Variants in FOXN2 observed in about 807,000 individuals in gnomAD.
FOXN2 encodes the protein forkhead box N2, also known as forkhead box protein N2.
In FOXN2, 19 loss-of-function variants were observed where a neutral mutation model predicts 41.2. The ratio of observed to expected loss-of-function variants is 0.46; its 90% CI spans 0.32 to 0.68. The LOEUF is 0.68. FOXN2 is among the 30% of genes least tolerant of loss of function. The probability of loss-of-function intolerance (pLI) is 0.03; values close to 1 mark genes in which losing one functional copy is unlikely to be tolerated. For synonymous variants in FOXN2, 195 were observed against 176.8 expected (o/e 1.10, Z -0.82); for missense variants, 587 against 509.4 (o/e 1.15, Z -1.47).
intron 1 of FOXN2, among the ~76,000 whole-genome samples, chr2:48,320,293 A>ATT (rs140999009): frequency 1.3e-5 from 2 of 148,906 alleles, no homozygotes; most frequent in Non-Finnish European, 3.0e-5. Flanking sequence ...GTATAATTTA[A>ATT]TTTTTTTTTT....
intron 3 of FOXN2, among the ~76,000 whole-genome samples, chr2:48,349,951 T>C (rs1326743180): frequency 6.6e-6 from 1 of 152,228 alleles, no homozygotes; most frequent in Non-Finnish European, 1.5e-5. Context: ...ATCCCTGACA[T>C]TCCCAGAAGA....
chr2:48,344,223 A>T (rs968676164), intron 2 of FOXN2, among the ~76,000 whole-genome samples: 2 of 152,190 alleles, frequency 1.3e-5, no homozygotes, highest in African/African-American at 4.8e-5. Context: ...ATGTTTATTT[A>T]TGTGTGGTTT....
intron 2 of FOXN2, among the ~76,000 whole-genome samples, chr2:48,335,883 C>G (rs952009199): frequency 6.6e-5 from 10 of 151,746 alleles, no homozygotes; most frequent in African/African-American, 2.4e-4. Flanking sequence ...AAAAAGTTAG[C>G]CAGGCGTGGT....
rs370477099 is a variant in FOXN2, at chr2:48,326,140, G to A, written c.-156-2421G>A. On this transcript the variant is annotated intron_variant, in intron 1 of 6. Coordinates refer to ENST00000340553, the MANE Select transcript of FOXN2 (RefSeq NM_002158.4). ...GCTGGGATTACAGACATGAGCCACC[G>A]TGCCCGGCCTTCTTCTCCCAAGATC... is the stretch of plus-strand genomic sequence containing the variant. Among the ~76,000 whole-genome samples, 17 of 152,244 alleles carry A rather than the reference G, an allele frequency of 1.1e-4. No individual in the cohort carries two copies. In the East Asian group the frequency reaches 1.2e-3, roughly 10 times the overall value.
intron 2 of FOXN2, among the ~76,000 whole-genome samples, chr2:48,333,048 A>G (rs1670112533): frequency 6.6e-6 from 1 of 152,160 alleles, no homozygotes; most frequent in Non-Finnish European, 1.5e-5. Context: ...CTTCAAATAT[A>G]TTGCCTCCTC....
chr2:48,368,124 G>A (rs564187895), intron 5 of FOXN2, among the ~76,000 whole-genome samples: 5 of 152,284 alleles, frequency 3.3e-5, no homozygotes, highest in East Asian at 1.9e-4. Context: ...TTACAGGTGT[G>A]AGCCACCACG....
At chr2:48,316,773 G>C (rs1668946024) in intron 1 of FOXN2, among the ~76,000 whole-genome samples, 1 of 152,110 alleles carries the variant, frequency 6.6e-6, no homozygotes, top group African/African-American at 2.4e-5. Flanking sequence ...TGAATGCTTT[G>C]GTAGGTTTGA....
chr2:48,359,285 T>C, intron 4 of FOXN2, 138 bp downstream of exon 4: 2 of 664,524 alleles, frequency 3.0e-6, no homozygotes, highest in Non-Finnish European at 5.0e-6. Flanking sequence ...GTTTTTAGTT[T>C]TTAGTTTTTG....
chr2:48,346,125 T>C, intron 2 of FOXN2, 76 bp from the exon 3 acceptor site: 1 of 1,305,008 alleles, frequency 7.7e-7, no homozygotes, highest in Non-Finnish European at 1.1e-6. Flanking sequence ...TTTGGGGATA[T>C]TTACATATGT....
In FOXN2 at chr2:48,337,548, C is replaced by T. The variant is rs956871751; in HGVS notation, c.-14-8653C>T. On this transcript the variant is annotated intron_variant, in intron 2 of 6. Transcript: ENST00000340553. ...TTTGAACTCCTGATCTCAAATGACC[C>T]GCCCACCTCTGCCTCCCAAAGTGCT... Among the ~76,000 whole-genome samples the T allele has an allele frequency of 6.5e-4, 99 of 151,880 alleles. 1 individual carries two copies. The highest frequency in any genetic ancestry group is 2.7e-4 in the African/African-American group (11 of 41,342).
intron 1 of FOXN2, among the ~76,000 whole-genome samples, chr2:48,325,696 C>T (rs945125827): frequency 6.6e-6 from 1 of 152,106 alleles, no homozygotes; most frequent in African/African-American, 2.4e-5. Flanking sequence ...TAGCTCTGCC[C>T]TTATGAAGCT....
chr2:48,353,831 T>C (rs967261780), intron 3 of FOXN2, among the ~76,000 whole-genome samples: 20 of 152,208 alleles, frequency 1.3e-4, no homozygotes, highest in African/African-American at 4.8e-4. Context: ...TGTGTTGGTA[T>C]TGTTATCCTC....
rs139740645 is a variant in FOXN2 at position 48,330,657 on chromosome 2, T to G, written c.-15+1955T>G. On this transcript the variant is annotated intron_variant, in intron 2 of 6. Transcript: ENST00000340553. ...ACATTTGTGAAATTGCTTGATTTGCTGATGACATGCAGTTCTTGGTGGGTG... is the reference window on the plus strand; with the variant it reads ...ACATTTGTGAAATTGCTTGATTTGCGGATGACATGCAGTTCTTGGTGGGTG... Among the ~76,000 whole-genome samples, 7 of 152,248 alleles carry G rather than the reference T, an allele frequency of 4.6e-5. No individual in the cohort carries two copies. The East Asian group carries it at 1.3e-3, about 29-fold the overall frequency.
At position 48,375,030 on chromosome 2, in the gene FOXN2, A is replaced by G; in HGVS notation, c.883A>G (p.Ser295Gly). 6.2e-7 allele frequency: 1 copy of G among 1,614,108 alleles called. No individual in the cohort carries two copies. Among genetic ancestry groups the G allele is most frequent in the Non-Finnish European group, 8.5e-7 (1 of 1,179,982 alleles). Residue 295 changes from serine (S) to glycine (G), a missense_variant, in exon 7 of 7, where the codon AGC becomes GGC. By Grantham distance (56) the Ser-to-Gly change is moderately conservative. Transcript: ENST00000340553. ...RLQESDSLATSIDPKEDHNYS... is the reference protein window; with the variant it reads ...RLQESDSLATGIDPKEDHNYS... ...ACAAGAGAGTGATTCTTTAGCCACC[A>G]GCATTGATCCAAAAGAAGATCACAA...
chr2:48,343,383 T>C lies in FOXN2; in HGVS notation c.-14-2818T>C, dbSNP rs151215911. Among the ~76,000 whole-genome samples the C allele has an allele frequency of 4.0e-3, 603 of 152,320 alleles. 5 individuals are homozygous for C. Among genetic ancestry groups the C allele is most frequent in the African/African-American group, 0.014 (569 of 41,564 alleles). Reference sequence around the variant, plus strand: ...ACAAATAATTTGTATTATGAGTTCATTTCCATCTGAAATAATTATGATTTG... The same window carrying C: ...ACAAATAATTTGTATTATGAGTTCACTTCCATCTGAAATAATTATGATTTG... On this transcript the variant is annotated intron_variant, in intron 2 of 6. Coordinates refer to ENST00000340553, the MANE Select transcript of FOXN2 (RefSeq NM_002158.4).
At chr2:48,361,597 C>G (rs747667153) in intron 4 of FOXN2, among the ~76,000 whole-genome samples, 2 of 152,000 alleles carry the variant, frequency 1.3e-5, no homozygotes, top group Non-Finnish European at 2.9e-5. Context: ...ATCTGACATG[C>G]TTTTGTGTAG....
chr2:48,333,360 C>T (rs1444863245), intron 2 of FOXN2, among the ~76,000 whole-genome samples: 2 of 151,872 alleles, frequency 1.3e-5, no homozygotes, highest in Admixed American at 6.6e-5. Context: ...TTTAAAATTC[C>T]TATATACATT....
At chr2:48,338,464 C>T (rs1572721393) in intron 2 of FOXN2, among the ~76,000 whole-genome samples, 1 of 151,652 alleles carries the variant, frequency 6.6e-6, no homozygotes, top group African/African-American at 2.4e-5. Flanking sequence ...TGCAGTGGCG[C>T]GATCTCAGCT....
At chr2:48,367,433 G>A (rs1435041940) in intron 5 of FOXN2, among the ~76,000 whole-genome samples, 2 of 152,174 alleles carry the variant, frequency 1.3e-5, no homozygotes, top group Non-Finnish European at 2.9e-5. Context: ...AGGGCTACAT[G>A]TAAAGCTAAG....
Sources: gnomAD v4.1 joint callset for allele counts (sites outside exome capture counted in the v4.1 genomes callset) on GRCh38, gnomAD v4.1.1 for gene constraint, MANE v1.5 for transcripts, NCBI Gene and HGNC (gene_info 2026-07-23, HGNC 2026-07-21) for gene names.